CUX1: variants seen among roughly 807,000 people sequenced by gnomAD.
CUX1 encodes protein CASP.
In CUX1, 31 loss-of-function variants were observed where a neutral mutation model predicts 158.8. The ratio of observed to expected loss-of-function variants is 0.20; its 90% CI spans 0.15 to 0.26. The LOEUF (loss-of-function observed/expected upper bound fraction) is 0.26. Among genes scored for constraint, CUX1 ranks in the 10% least tolerant of loss-of-function variants. CUX1 has a pLI of 1.00. For synonymous variants in CUX1, 879 were observed against 862.1 expected (o/e 1.02, Z -0.34); for missense variants, 1,589 against 2,014.6 (o/e 0.79, Z 4.04).
intron 2 of CUX1, among the ~76,000 whole-genome samples, chr7:101,931,857 A>T (rs1055325968): frequency 6.6e-6 from 1 of 152,098 alleles, no homozygotes; most frequent in African/African-American, 2.4e-5. Context: ...AGGAATTCTT[A>T]TTTTTTAGAT....
chr7:101,907,599 C>T (rs1428583503), intron 1 of CUX1, among the ~76,000 whole-genome samples: 1 of 152,014 alleles, frequency 6.6e-6, no homozygotes, highest in Non-Finnish European at 1.5e-5. Flanking sequence ...TCCACCTGCT[C>T]CAGCCTCCCA....
At chr7:102,147,849 A>G (rs770368256) in intron 8 of CUX1, among the ~76,000 whole-genome samples, 2 of 152,010 alleles carry the variant, frequency 1.3e-5, no homozygotes, top group Non-Finnish European at 2.9e-5. Context: ...AAATAGAAAA[A>G]TTAGCCGGGC....
chr7:102,117,397 C>CAAAAAAAAAA (rs10633602), intron 8 of CUX1, among the ~76,000 whole-genome samples: 8 of 46,670 alleles, frequency 1.7e-4, no homozygotes, highest in African/African-American at 3.0e-4. Flanking sequence ...GACTCCATCG[C>CAAAAAAAAAA]AAAAAAAAAA....
intron 1 of CUX1, among the ~76,000 whole-genome samples, chr7:101,886,132 G>A (rs1195185728): frequency 6.6e-6 from 1 of 152,162 alleles, no homozygotes; most frequent in Non-Finnish European, 1.5e-5. Flanking sequence ...TACCCTTTTG[G>A]GGTGCTGTCG....
At chr7:101,908,221 G>A (rs1265093987) in intron 1 of CUX1, among the ~76,000 whole-genome samples, 4 of 152,206 alleles carry the variant, frequency 2.6e-5, no homozygotes, top group Admixed American at 6.5e-5. Flanking sequence ...GCTGTTGATG[G>A]ACATATTCTG....
rs1554490173 is a variant in CUX1, at chr7:102,111,769, A to T, written c.602A>T (p.Gln201Leu). The T allele has an allele frequency of 6.2e-7, 1 of 1,613,888 alleles. No homozygotes were observed. The highest frequency in any genetic ancestry group is 1.3e-5 in the African/African-American group (1 of 74,942). The change falls in exon 7 of 24, where the codon CAA becomes CTA. Residue 201 changes from glutamine to leucine, a missense_variant. Around this residue, in one of 8 missense-constraint regions of CUX1, gnomAD observed 515 missense variants for 574.4 expected, o/e 0.90. Transcript: ENST00000292535. ...GCTGAGCATAAGGTTCAGAGCCTAC[A>T]AACAGGTTTGATACTCTCCTTCCTA... is the stretch of plus-strand genomic sequence containing the variant. ...EEAEHKVQSL[Q>L]TALEKTRTEL...
At chr7:102,126,996 G>A (rs551287643) in intron 8 of CUX1, among the ~76,000 whole-genome samples, 1 of 152,230 alleles carries the variant, frequency 6.6e-6, no homozygotes, top group African/African-American at 2.4e-5. Flanking sequence ...GCAGTTCACA[G>A]TAGGGTTTGC....
downstream of CUX1, among the ~76,000 whole-genome samples, chr7:102,258,579 A>C (rs1490210831): frequency 6.6e-6 from 1 of 152,148 alleles, no homozygotes; most frequent in Non-Finnish European, 1.5e-5. Flanking sequence ...TAAAATGGAG[A>C]CACCATCTCC....
rs1789832866 is a variant in CUX1, at chr7:102,255,817, T to C, written c.*6775T>C. 1.0e-6 allele frequency: 1 copy of C among 984,096 alleles called. No individual in the cohort carries two copies. Among genetic ancestry groups the C allele is most frequent in the Non-Finnish European group, 1.2e-6 (1 of 828,846 alleles). 61.0% of individuals were successfully genotyped at this position (984,096 alleles called of 1,614,324 possible). On this transcript the variant is annotated 3_prime_UTR_variant, in exon 24 of 24. Transcript: ENST00000292535. ...ATAATTCTTTTTTCCCCCCTTTTCCTTCTTCTTTTTTATTATTTTATTATT... is the reference window on the plus strand; with the variant it reads ...ATAATTCTTTTTTCCCCCCTTTTCCCTCTTCTTTTTTATTATTTTATTATT...
intron 8 of CUX1, among the ~76,000 whole-genome samples, chr7:102,125,278 C>T (rs1204486491): frequency 2.6e-5 from 4 of 152,126 alleles, no homozygotes; most frequent in East Asian, 1.9e-4. Flanking sequence ...AGGACGTTTG[C>T]GCTCTGGAAA....
chr7:102,081,082 A>G (rs1554478593), intron 4 of CUX1, among the ~76,000 whole-genome samples: 1 of 152,150 alleles, frequency 6.6e-6, no homozygotes. Context: ...TGCCTGCTGA[A>G]TCACTTCTTC....
intron 4 of CUX1, among the ~76,000 whole-genome samples, chr7:102,090,414 G>A: frequency 6.6e-6 from 1 of 150,832 alleles, no homozygotes; most frequent in East Asian, 1.9e-4. Context: ...TTGAGATGGA[G>A]TCTCGCTCTG....
chr7:102,022,171 A>G (rs1414576362), intron 2 of CUX1, among the ~76,000 whole-genome samples: 3 of 152,170 alleles, frequency 2.0e-5, no homozygotes, highest in Non-Finnish European at 4.4e-5. Flanking sequence ...TACAGGTGCA[A>G]TTGAACACTG....
At chr7:101,890,190 G>T (rs952720051) in intron 1 of CUX1, among the ~76,000 whole-genome samples, 4 of 152,192 alleles carry the variant, frequency 2.6e-5, no homozygotes, top group Non-Finnish European at 4.4e-5. Context: ...GGCAGATGGG[G>T]TTGACGGGGA....
At chr7:102,229,364 G>T (rs1432845296) in intron 21 of CUX1, among the ~76,000 whole-genome samples, 2 of 147,794 alleles carry the variant, frequency 1.4e-5, no homozygotes, top group Non-Finnish European at 3.0e-5. Flanking sequence ...GTGCAGTGGC[G>T]CAACCTCAGC....
At chr7:101,892,177 GA>G (rs1351298789) in intron 1 of CUX1, among the ~76,000 whole-genome samples, 21 of 152,200 alleles carry the variant, frequency 1.4e-4, no homozygotes, top group Non-Finnish European at 2.6e-4. Context: ...TTGGACTTAA[GA>G]AAACTTAATC....
At chr7:102,280,913 T>G in intron 20 of CUX1, 1 of 1,538,374 alleles carries the variant, frequency 6.5e-7, no homozygotes, top group Non-Finnish European at 8.9e-7. Flanking sequence ...AGCCTCTGTC[T>G]CCAGGCACCT....
intron 3 of CUX1, among the ~76,000 whole-genome samples, chr7:102,043,339 G>C (rs1220779577): frequency 6.6e-6 from 1 of 150,868 alleles, no homozygotes; most frequent in African/African-American, 2.4e-5. Context: ...GTGTGTGTGT[G>C]TGTGTGTGTG....
chr7:102,085,983 G>A (rs1414715976), intron 4 of CUX1, among the ~76,000 whole-genome samples: 2 of 152,072 alleles, frequency 1.3e-5, no homozygotes, highest in African/African-American at 4.8e-5. Flanking sequence ...TTCTTCTTGA[G>A]TCAGTTTTGG....
Sources: allele counts gnomAD v4.1 joint callset (sites outside exome capture counted in the v4.1 genomes callset), GRCh38; gene constraint gnomAD v4.1.1; regional missense constraint gnomAD v4.1.1; transcripts MANE v1.5; gene names NCBI Gene and HGNC (gene_info 2026-07-23, HGNC 2026-07-21).